The following DLG2 variants were observed in gnomAD, a reference collection of about 807,000 sequenced individuals.
DLG2 encodes the protein disks large homolog 2.
DLG2 carries 45 observed loss-of-function variants against 132.5 expected under a neutral mutation model. That is an observed-to-expected ratio of 0.34 (90% CI 0.27 to 0.44). The LOEUF (loss-of-function observed/expected upper bound fraction) is 0.44, where lower values mean the gene tolerates loss of function less well. Among genes scored for constraint, DLG2 ranks in the 20% least tolerant of loss-of-function variants. The pLI, the probability that DLG2 is intolerant of heterozygous loss-of-function variation, is 1.00. For synonymous variants in DLG2, 424 were observed against 419.6 expected (o/e 1.01, Z -0.13); for missense variants, 1,045 against 1,196.9 (o/e 0.87, Z 1.87).
At chr11:84,340,811 A>G (rs1600210714) in intron 7 of DLG2, among the ~76,000 whole-genome samples, 1 of 138,290 alleles carries the variant, frequency 7.2e-6, no homozygotes, top group African/African-American at 3.2e-5. Context: ...TAAAATCAAA[A>G]GTATGGGGCT....
At chr11:85,077,431 G>C (rs1040254526) in intron 6 of DLG2, among the ~76,000 whole-genome samples, 2 of 151,916 alleles carry the variant, frequency 1.3e-5, no homozygotes, top group Non-Finnish European at 2.9e-5. Flanking sequence ...TGCTAGTGGA[G>C]TTGTTTGGCA....
chr11:85,603,180 C>T (rs1055947712), intron 2 of DLG2, among the ~76,000 whole-genome samples: 24 of 152,324 alleles, frequency 1.6e-4, no homozygotes, highest in Admixed American at 8.5e-4. Context: ...TGATTTCACA[C>T]TTTACTTGCG....
intron 6 of DLG2, among the ~76,000 whole-genome samples, chr11:85,003,427 C>T (rs959933479): frequency 6.6e-5 from 10 of 151,892 alleles, no homozygotes; most frequent in African/African-American, 1.5e-4. Context: ...TTTTTTATTT[C>T]GATTGTATTT....
intron 9 of DLG2, among the ~76,000 whole-genome samples, chr11:84,147,983 T>A (rs1174226602): frequency 6.6e-6 from 1 of 151,638 alleles, no homozygotes; most frequent in African/African-American, 2.4e-5. Context: ...TTTACCACAA[T>A]GCTATGAAGT....
At chr11:83,923,248 G>A (rs1004464611) in intron 15 of DLG2, among the ~76,000 whole-genome samples, 1 of 152,108 alleles carries the variant, frequency 6.6e-6, no homozygotes, top group East Asian at 1.9e-4. Flanking sequence ...AATTAATAAT[G>A]ACTAATGTGG....
At chr11:84,600,175 A>AGAAAGAAAGAAG (rs2099572872) in intron 6 of DLG2, among the ~76,000 whole-genome samples, 2 of 117,016 alleles carry the variant, frequency 1.7e-5, no homozygotes, top group African/African-American at 7.5e-5. Context: ...AAAGAAAGAA[A>AGAAAGAAAGAAG]GAAAGAAAGA....
intron 3 of DLG2, among the ~76,000 whole-genome samples, chr11:85,520,462 C>G (rs1025503780): frequency 1.3e-5 from 2 of 151,026 alleles, no homozygotes; most frequent in African/African-American, 4.9e-5. Flanking sequence ...ATCAAAATAC[C>G]AATGGTATTC....
intron 3 of DLG2, among the ~76,000 whole-genome samples, chr11:85,286,381 T>C (rs1332009669): frequency 1.3e-5 from 2 of 152,130 alleles, no homozygotes; most frequent in African/African-American, 4.8e-5. Context: ...TAGATACAGA[T>C]GAATACATAT....
At chr11:85,602,996 T>C (rs375608332) in intron 2 of DLG2, among the ~76,000 whole-genome samples, 11 of 152,246 alleles carry the variant, frequency 7.2e-5, no homozygotes, top group South Asian at 6.2e-4. Context: ...AGAATTTCAA[T>C]TGGGCAATAA....
intron 10 of DLG2, among the ~76,000 whole-genome samples, chr11:84,072,078 G>A (rs941628396): frequency 6.6e-6 from 1 of 152,200 alleles, no homozygotes; most frequent in Non-Finnish European, 1.5e-5. Flanking sequence ...GCACATAAAG[G>A]CTTCTTATGA....
At chr11:84,812,895 G>A (rs1221365967) in intron 6 of DLG2, among the ~76,000 whole-genome samples, 4 of 152,032 alleles carry the variant, frequency 2.6e-5, no homozygotes, top group Non-Finnish European at 5.9e-5. Context: ...TGCAATTGTC[G>A]TTTTCATTGG....
At chr11:85,120,774 A>G (rs1356277216) in intron 5 of DLG2, among the ~76,000 whole-genome samples, 1 of 152,034 alleles carries the variant, frequency 6.6e-6, no homozygotes, top group Non-Finnish European at 1.5e-5. Flanking sequence ...ATGTCTTGAA[A>G]TTTGACTTTT....
chr11:84,493,205 G>T (rs2099169803), intron 7 of DLG2, among the ~76,000 whole-genome samples: 1 of 152,092 alleles, frequency 6.6e-6, no homozygotes, highest in South Asian at 2.1e-4. Context: ...TCATCCAGCT[G>T]ATTACTACTG....
At chr11:84,758,805 C>A (rs1179148168) in intron 6 of DLG2, among the ~76,000 whole-genome samples, 2 of 152,142 alleles carry the variant, frequency 1.3e-5, no homozygotes, top group Non-Finnish European at 2.9e-5. Context: ...CGTAGATTCA[C>A]TAAGTTGAAA....
chr11:85,428,921 C>T lies in DLG2; in HGVS notation c.41-143556G>A, dbSNP rs558818360. The stretch of plus-strand genomic sequence containing the variant: ...AGAAAAGAGAGAAGAATTAAATAGA[C>T]GCAATAAAAAATGATAAAGGGGATA... On this transcript the variant is annotated intron_variant, in intron 3 of 27. Coordinates refer to ENST00000376104, the MANE Select transcript of DLG2 (RefSeq NM_001142699.3). Among the ~76,000 whole-genome samples, 274 of 151,908 alleles carry T rather than the reference C, an allele frequency of 1.8e-3. 2 individuals are homozygous for T. In the South Asian group the frequency reaches 0.025, roughly 14 times the overall value.
At chr11:84,453,703 C>G (rs763101504) in intron 7 of DLG2, among the ~76,000 whole-genome samples, 2 of 151,576 alleles carry the variant, frequency 1.3e-5, no homozygotes, top group African/African-American at 2.4e-5. Flanking sequence ...CCATTTTACA[C>G]GTAAGTAAAC....
intron 16 of DLG2, among the ~76,000 whole-genome samples, chr11:83,841,008 T>G (rs1041642337): frequency 6.6e-6 from 1 of 152,198 alleles, no homozygotes; most frequent in Non-Finnish European, 1.5e-5. Flanking sequence ...GATAAACCAT[T>G]CTCAAACATT....
intron 19 of DLG2, among the ~76,000 whole-genome samples, chr11:83,554,655 T>C (rs2096478753): frequency 6.6e-6 from 1 of 152,198 alleles, no homozygotes; most frequent in Non-Finnish European, 1.5e-5. Flanking sequence ...GTGCCAGATC[T>C]GGGACTAGTG....
At chr11:83,637,641 A>G (rs888203047) in intron 18 of DLG2, among the ~76,000 whole-genome samples, 1 of 152,106 alleles carries the variant, frequency 6.6e-6, no homozygotes, top group Non-Finnish European at 1.5e-5. Context: ...ATAACACCAC[A>G]ATTGTTTAGA....
Sources: gnomAD v4.1 joint callset for allele counts (sites outside exome capture counted in the v4.1 genomes callset) on GRCh38, gnomAD v4.1.1 for gene constraint, MANE v1.5 for transcripts, NCBI Gene and HGNC (gene_info 2026-07-23, HGNC 2026-07-21) for gene names.